The following PTPRS variants were observed in gnomAD, a reference collection of about 807,000 sequenced individuals.
PTPRS encodes the protein receptor-type tyrosine-protein phosphatase S.
PTPRS carries 63 observed loss-of-function variants against 215.3 expected under a neutral mutation model. That is an observed-to-expected ratio of 0.29 (90% CI 0.24 to 0.36). The LOEUF is 0.36. Ranked by LOEUF, PTPRS falls within the 10% of genes least tolerant of loss-of-function variation. The pLI, the probability that PTPRS is intolerant of heterozygous loss-of-function variation, is 1.00. For synonymous variants in PTPRS, 1,404 were observed against 1,191.4 expected (o/e 1.18, Z -3.68); for missense variants, 2,258 against 2,825.8 (o/e 0.80, Z 4.56).
intron 1 of PTPRS, among the ~76,000 whole-genome samples, chr19:5,333,719 C>T (rs912266923): frequency 6.6e-6 from 1 of 152,020 alleles, no homozygotes; most frequent in African/African-American, 2.4e-5. Flanking sequence ...GTCAAAGCAC[C>T]CATTTTACAG....
chr19:5,334,021 G>A (rs370742633), intron 1 of PTPRS, among the ~76,000 whole-genome samples: 2 of 151,478 alleles, frequency 1.3e-5, no homozygotes, highest in East Asian at 3.9e-4. Flanking sequence ...TGGAAGTTGG[G>A]AGCCACATGT....
chr19:5,310,365 T>C (rs1391662918), intron 1 of PTPRS, among the ~76,000 whole-genome samples: 2 of 150,552 alleles, frequency 1.3e-5, no homozygotes, highest in Non-Finnish European at 3.0e-5. Context: ...TCACCCAGGC[T>C]GGACTGCAGT....
intron 4 of PTPRS, chr19:5,273,129 T>G (rs1156816837): frequency 2.8e-6 from 1 of 361,894 alleles, no homozygotes; most frequent in Non-Finnish European, 5.2e-6. Flanking sequence ...ATTTTAATTC[T>G]GCACATCAAT....
At chr19:5,238,248 T>G (rs1281368682) in intron 13 of PTPRS, among the ~76,000 whole-genome samples, 1 of 152,052 alleles carries the variant, frequency 6.6e-6, no homozygotes, top group African/African-American at 2.4e-5. Flanking sequence ...CACAGCCAAC[T>G]GCCAGGTGAA....
chr19:5,311,958 TG>T (rs2049718117), intron 1 of PTPRS, among the ~76,000 whole-genome samples: 1 of 151,256 alleles, frequency 6.6e-6, no homozygotes, highest in South Asian at 2.1e-4. Context: ...GAGAATGGCG[TG>T]AACCCGGGAG....
intron 30 of PTPRS, among the ~76,000 whole-genome samples, chr19:5,213,899 C>T (rs1239318929): frequency 6.6e-6 from 1 of 152,128 alleles, no homozygotes; most frequent in African/African-American, 2.4e-5. Context: ...GCACTATGGA[C>T]AGCAGCCATC....
At chr19:5,303,678 G>A (rs1343792667) in intron 1 of PTPRS, among the ~76,000 whole-genome samples, 2 of 152,048 alleles carry the variant, frequency 1.3e-5, no homozygotes, top group African/African-American at 2.4e-5. Flanking sequence ...TGAGGACCAC[G>A]GTGGCTCACA....
At chr19:5,309,024 C>T (rs928961482) in intron 1 of PTPRS, among the ~76,000 whole-genome samples, 1 of 152,188 alleles carries the variant, frequency 6.6e-6, no homozygotes, top group African/African-American at 2.4e-5. Context: ...GCCCTACAGC[C>T]TGCCTGGCAC....
At chr19:5,243,248 C>CCAGAGT (rs1349257095) in intron 11 of PTPRS, among the ~76,000 whole-genome samples, 1 of 151,908 alleles carries the variant, frequency 6.6e-6, no homozygotes. Flanking sequence ...TCTCCTGCCT[C>CCAGAGT]AGCCTCCAGA....
intron 1 of PTPRS, among the ~76,000 whole-genome samples, chr19:5,315,350 G>GTTT (rs2049835558): frequency 3.0e-5 from 3 of 101,298 alleles, no homozygotes; most frequent in Non-Finnish European, 5.7e-5. Flanking sequence ...ATTTGAAAAG[G>GTTT]GTTTTTTTTT....
In PTPRS at chr19:5,205,737, G is replaced by A. The variant is rs187422200; in HGVS notation, c.*1037C>T. Among the ~76,000 whole-genome samples the A allele has an allele frequency of 6.6e-6, 1 of 152,036 alleles. No individual in the cohort carries two copies. ...CCAGGGGGAAAGGGTCCCTGATGTG[G>A]GGCAGCACAGCCATACAGCCACTGT... On this transcript the variant is annotated 3_prime_UTR_variant, in exon 38 of 38. Transcript: ENST00000262963.
At chr19:5,224,295 C>T (rs1335178046) in intron 17 of PTPRS, among the ~76,000 whole-genome samples, 1 of 152,154 alleles carries the variant, frequency 6.6e-6, no homozygotes, top group African/African-American at 2.4e-5. Flanking sequence ...GGGAACGGCC[C>T]ATGCAAAGGT....
In PTPRS at chr19:5,287,920, G is replaced by C. The variant is rs1020648085; in HGVS notation, c.-94-1686C>G. Reference sequence around the variant, plus strand: ...TGCAAGCGGTTGCATATCTGCAAGAGACACAGAAACAAATGCATTCACACA... The same window carrying C: ...TGCAAGCGGTTGCATATCTGCAAGACACACAGAAACAAATGCATTCACACA... On this transcript the variant is annotated intron_variant, in intron 1 of 37. Coordinates refer to ENST00000262963, the MANE Select transcript of PTPRS (RefSeq NM_002850.4). This position sits in a 1 kb window ranked among gnomAD's most constrained non-coding sequence, Gnocchi z 4.8. Among the ~76,000 whole-genome samples the C allele has an allele frequency of 6.6e-6, 1 of 150,404 alleles. No homozygotes were observed. Among genetic ancestry groups the C allele is most frequent in the Non-Finnish European group, 1.5e-5 (1 of 67,832 alleles).
intron 1 of PTPRS, among the ~76,000 whole-genome samples, chr19:5,333,312 AAAAAT>A (rs2050387071): frequency 1.5e-5 from 2 of 129,474 alleles, no homozygotes; most frequent in Non-Finnish European, 3.4e-5. Context: ...TCTACAAAAA[AAAAAT>A]AAATAAATAA....
chr19:5,214,581 G>A lies in PTPRS; in HGVS notation c.4474C>T (p.Arg1492Trp), dbSNP rs369295620. ...QRSATIVMMT[R>W]LEEKSRIKCD... ...CTCACCCGTGACTTCTCCTCCAGCC[G>A]CGTCATCATGACGATGGTCGCCGAC... Residue 1492 changes from arginine to tryptophan, a missense_variant, in exon 29 of 38, where the codon CGG becomes TGG. Arg to Trp is a moderately radical substitution (Grantham distance 101). Transcript: ENST00000262963. 83 of 1,612,096 alleles carry A rather than the reference G, an allele frequency of 5.1e-5. No individual in the cohort carries two copies. Among genetic ancestry groups the A allele is most frequent in the Non-Finnish European group, 6.5e-5 (77 of 1,178,970 alleles).
At chr19:5,254,946 G>C (rs958360773) in intron 9 of PTPRS, among the ~76,000 whole-genome samples, 13 of 152,176 alleles carry the variant, frequency 8.5e-5, no homozygotes, top group African/African-American at 3.1e-4. Flanking sequence ...CTGTGAAAAT[G>C]GTGCTGTTAT....
intron 2 of PTPRS, among the ~76,000 whole-genome samples, chr19:5,275,431 G>C (rs1352303316): frequency 1.3e-5 from 2 of 151,334 alleles, no homozygotes; most frequent in Non-Finnish European, 2.9e-5. Context: ...CTGTCACCCA[G>C]GCTGGAGTGC....
chr19:5,269,422 G>A (rs1054015635), intron 4 of PTPRS, among the ~76,000 whole-genome samples: 1 of 152,130 alleles, frequency 6.6e-6, no homozygotes, highest in African/African-American at 2.4e-5. Flanking sequence ...ACAATCAGAT[G>A]GCAGAGGAGG....
chr19:5,269,121 G>A (rs1056748499), intron 4 of PTPRS, among the ~76,000 whole-genome samples: 2 of 152,128 alleles, frequency 1.3e-5, no homozygotes, highest in Admixed American at 6.5e-5. Flanking sequence ...GTGTGCCTAC[G>A]AGGGAACCCT....
Sources: gnomAD v4.1 joint callset for allele counts (sites outside exome capture counted in the v4.1 genomes callset) on GRCh38, gnomAD v4.1.1 for gene constraint, Gnocchi (gnomAD v3.1) non-coding constraint, MANE v1.5 for transcripts, NCBI Gene and HGNC (gene_info 2026-07-23, HGNC 2026-07-21) for gene names.